The following MTERF2 variants were observed in gnomAD, a reference collection of about 807,000 sequenced individuals.
MTERF2 encodes the protein mitochondrial transcription termination factor 2.
In MTERF2, 23 loss-of-function variants were observed where a neutral mutation model predicts 29.2. That is an observed-to-expected ratio of 0.79 (90% CI 0.57 to 1.12). The LOEUF (loss-of-function observed/expected upper bound fraction) is 1.12, where lower values mean the gene tolerates loss of function less well. Among genes scored for constraint, MTERF2 ranks in the 50% most tolerant of loss-of-function variants. The pLI is 0.00. For synonymous variants in MTERF2, 157 were observed against 159.5 expected (o/e 0.98, Z 0.12); for missense variants, 440 against 429.4 (o/e 1.02, Z -0.22).
At chr12:106,982,886 A>G (rs2136798893) in intron 2 of MTERF2, among the ~76,000 whole-genome samples, 1 of 152,290 alleles carries the variant, frequency 6.6e-6, no homozygotes, top group Admixed American at 6.5e-5. Flanking sequence ...TTTTATTTTG[A>G]TATGTAAAAA....
At position 106,978,621 on chromosome 12, in the gene MTERF2, A is replaced by G. The variant is rs1042052153; in HGVS notation, c.94T>C (p.Cys32Arg). ...TGTTTATCAGTTGTATAGGTGAAGCATGCTAAGAAAGGTCTGTATTTTGGA... is the reference window on the plus strand; with the variant it reads ...TGTTTATCAGTTGTATAGGTGAAGCGTGCTAAGAAAGGTCTGTATTTTGGA... ...SPPKYRPFLA[C>R]FTYTTDKQSS... Residue 32 changes from cysteine (C) to arginine (R), a missense_variant, in exon 3 of 3, where the codon TGC becomes CGC. Coordinates refer to ENST00000240050, the MANE Select transcript of MTERF2 (RefSeq NM_001033050.3). 2 of 1,614,204 alleles carry G rather than the reference A, an allele frequency of 1.2e-6. No individual in the cohort carries two copies. The highest frequency in any genetic ancestry group is 3.3e-4 in the Middle Eastern group (2 of 6,062).
At position 106,978,609 on chromosome 12, in the gene MTERF2, T is replaced by C. The variant is rs753153885; in HGVS notation, c.106A>G (p.Thr36Ala). The change falls in exon 3 of 3, where the codon ACA (threonine) becomes GCA (alanine). Residue 36 changes from threonine to alanine, a missense_variant. Coordinates refer to ENST00000240050, the MANE Select transcript of MTERF2 (RefSeq NM_001033050.3). ...TCTTTGCTCGACTGTTTATCAGTTGTATAGGTGAAGCATGCTAAGAAAGGT... is the reference window on the plus strand; with the variant it reads ...TCTTTGCTCGACTGTTTATCAGTTGCATAGGTGAAGCATGCTAAGAAAGGT... Reference protein sequence around the residue: ...YRPFLACFTYTTDKQSSKENT... With the variant: ...YRPFLACFTYATDKQSSKENT... 4 of 1,614,194 alleles carry C rather than the reference T, an allele frequency of 2.5e-6. No individual in the cohort carries two copies. In the South Asian group the frequency reaches 4.4e-5, roughly 18 times the overall value.
rs749350425 is a variant in MTERF2 at position 106,978,681 on chromosome 12, A to G, written c.34T>C (p.Cys12Arg). ...LWKLLLRSQS[C>R]RLCSFRKMRS... ...ATCTTTCTGAAAGAACACAGCCTGC[A>G]GGACTGGGATCTCAGCAGCAGCTTC... is the stretch of plus-strand genomic sequence containing the variant. The change falls in exon 3 of 3, where the codon TGC (cysteine) becomes CGC (arginine). Residue 12 changes from cysteine to arginine, a missense_variant. Cys to Arg is a radical substitution (Grantham distance 180, BLOSUM62 -3). Transcript: ENST00000240050. 1.2e-6 allele frequency: 2 copies of G among 1,614,068 alleles called. No individual in the cohort carries two copies. Among genetic ancestry groups the G allele is most frequent in the African/African-American group, 1.3e-5 (1 of 75,042 alleles).
chr12:106,986,352 A>G (rs752958289), intron 1 of MTERF2: 3 of 152,228 alleles, frequency 2.0e-5, no homozygotes, highest in Admixed American at 6.5e-5. Flanking sequence ...CACTTAGAAT[A>G]TGCAGAAAAC....
intron 2 of MTERF2, 76 bp from the exon 3 acceptor site, chr12:106,978,847 G>T: frequency 1.4e-6 from 1 of 698,814 alleles, no homozygotes; most frequent in Non-Finnish European, 2.2e-6. Context: ...AATTTGAGCT[G>T]TTGAAGTCTG....
chr12:106,977,817 C>T lies in MTERF2; in HGVS notation c.898G>A (p.Glu300Lys), dbSNP rs1566230842. Residue 300 changes from glutamate to lysine, a missense_variant, in exon 3 of 3, where the codon GAA becomes AAA. Glu to Lys is a moderately conservative substitution (Grantham distance 56). Transcript: ENST00000240050. ...CTCAATAATCCTTGCATTCTCTCTT[C>T]TAAAACTGGAACAGAATAATATAAA... is the stretch of plus-strand genomic sequence containing the variant. Reference protein sequence around the residue: ...ALLYYSVPVLEERMQGLLREG... With the variant: ...ALLYYSVPVLKERMQGLLREG... 6.2e-7 allele frequency: 1 copy of T among 1,613,920 alleles called. No individual in the cohort carries two copies. The highest frequency in any genetic ancestry group is 8.5e-7 in the Non-Finnish European group (1 of 1,180,004).
intron 2 of MTERF2, among the ~76,000 whole-genome samples, chr12:106,981,917 T>C (rs1290662430): frequency 6.6e-6 from 1 of 152,180 alleles, no homozygotes; most frequent in African/African-American, 2.4e-5. Flanking sequence ...CTGGAAAGTA[T>C]AAGGAAATGG....
chr12:106,984,758 G>A (rs1250257840), intron 2 of MTERF2, among the ~76,000 whole-genome samples: 1 of 152,154 alleles, frequency 6.6e-6, no homozygotes, highest in African/African-American at 2.4e-5. Context: ...GCCACGATGT[G>A]AGATGTGCCT....
At chr12:106,984,571 T>C (rs1409266959) in intron 2 of MTERF2, among the ~76,000 whole-genome samples, 1 of 152,138 alleles carries the variant, frequency 6.6e-6, no homozygotes, top group Admixed American at 6.5e-5. Flanking sequence ...CCAAATCTCA[T>C]CTTGAATTGT....
chr12:106,986,264 GC>G (rs1952114923), intron 1 of MTERF2: 1 of 152,188 alleles, frequency 6.6e-6, no homozygotes, highest in African/African-American at 2.4e-5. Context: ...ACCTCTCTGA[GC>G]CTCAGTTTGG....
chr12:106,979,585 C>G (rs766711315), intron 2 of MTERF2, among the ~76,000 whole-genome samples: 2 of 152,110 alleles, frequency 1.3e-5, no homozygotes, highest in Non-Finnish European at 2.9e-5. Context: ...ACTAAACATA[C>G]AAAAATTAGC....
chr12:106,986,711 GTTC>G (rs1343778807), intron 1 of MTERF2: 2 of 152,232 alleles, frequency 1.3e-5, no homozygotes, highest in Admixed American at 6.5e-5. Context: ...TTTCAATAAA[GTTC>G]TTCTTTCGTA....
chr12:106,981,393 A>G (rs183029844), intron 2 of MTERF2, among the ~76,000 whole-genome samples: 32 of 152,370 alleles, frequency 2.1e-4, no homozygotes, highest in Admixed American at 1.9e-3. Context: ...TACTTTGCAC[A>G]ATGCCTGGTA....
chr12:106,978,192 T>C lies in MTERF2; in HGVS notation c.523A>G (p.Asn175Asp). 1 of 1,613,868 alleles carries C rather than the reference T, an allele frequency of 6.2e-7. No individual in the cohort carries two copies. Among genetic ancestry groups the C allele is most frequent in the Non-Finnish European group, 8.5e-7 (1 of 1,179,996 alleles). The change falls in exon 3 of 3, where the codon AAT (asparagine) becomes GAT (aspartate). Residue 175 changes from asparagine to aspartate, a missense_variant. By Grantham distance (23) the Asn-to-Asp change is conservative. Transcript: ENST00000240050. The stretch of plus-strand genomic sequence containing the variant: ...TTCTCAACAGGATTATGAAAAACAT[T>C]AGGTGCAGCTGTCAAAAGTCTGCTA... The part of the protein sequence containing the change: ...VISRLLTAAP[N>D]VFHNPVEKNK...
In MTERF2 at chr12:106,977,948, AAAAG is replaced by A. The variant is rs545790722; in HGVS notation, c.763_766del (p.Leu255PhefsTer26). 655 of 1,614,168 alleles carry A rather than the reference AAAAG, an allele frequency of 4.1e-4. 1 individual carries two copies. In the African/African-American group the frequency reaches 7.7e-3, roughly 19 times the overall value. ...CTGTATACTTCTTGGGCAAAGTTGA[AAAAG>A]AAATCCTTTGAGTTTGGATAGAAGC... On this transcript the variant is annotated frameshift_variant, in exon 3 of 3. Transcript: ENST00000240050. LOFTEE classifies it high-confidence loss of function.
At chr12:106,982,575 T>C (rs1458646255) in intron 2 of MTERF2, among the ~76,000 whole-genome samples, 1 of 152,352 alleles carries the variant, frequency 6.6e-6, no homozygotes, top group East Asian at 1.9e-4. Flanking sequence ...AGTAAGTATC[T>C]AACTGTGGTA....
intron 2 of MTERF2, among the ~76,000 whole-genome samples, chr12:106,981,866 A>T (rs1952056640): frequency 6.6e-6 from 1 of 152,240 alleles, no homozygotes; most frequent in African/African-American, 2.4e-5. Flanking sequence ...ATAACTGCTT[A>T]TAAAAGCAAT....
At chr12:106,983,158 T>C (rs1217164655) in intron 2 of MTERF2, among the ~76,000 whole-genome samples, 1 of 152,220 alleles carries the variant, frequency 6.6e-6, no homozygotes, top group African/African-American at 2.4e-5. Flanking sequence ...CCTTTTTTAA[T>C]TGTAGTAAGA....
intron 2 of MTERF2, among the ~76,000 whole-genome samples, chr12:106,984,376 G>A (rs1036984269): frequency 3.3e-5 from 5 of 152,096 alleles, no homozygotes; most frequent in Non-Finnish European, 4.4e-5. Context: ...TATAGCTTGC[G>A]ATAAAGATAA....
Sources: gnomAD v4.1 joint callset for allele counts (sites outside exome capture counted in the v4.1 genomes callset) on GRCh38, gnomAD v4.1.1 for gene constraint, MANE v1.5 for transcripts, NCBI Gene and HGNC (gene_info 2026-07-23, HGNC 2026-07-21) for gene names.